CDKAL1: variants seen among roughly 807,000 people sequenced by gnomAD.
CDKAL1 encodes threonylcarbamoyladenosine tRNA methylthiotransferase.
CDKAL1 carries 32 observed loss-of-function variants against 68.2 expected under a neutral mutation model. The ratio of observed to expected loss-of-function variants is 0.47; its 90% CI spans 0.35 to 0.63. The LOEUF (loss-of-function observed/expected upper bound fraction) is 0.63. Among genes scored for constraint, CDKAL1 ranks in the 30% least tolerant of loss-of-function variants. CDKAL1 has a pLI of 0.00. For missense variants in CDKAL1, 606 were observed against 696.7 expected, an observed-to-expected ratio of 0.87 and a Z score of 1.47; for synonymous variants, 234 against 244.3, an observed-to-expected ratio of 0.96 and a Z score of 0.39.
At chr6:21,047,739 C>T (rs1472817606) in intron 11 of CDKAL1, among the ~76,000 whole-genome samples, 1 of 152,120 alleles carries the variant, frequency 6.6e-6, no homozygotes. Flanking sequence ...ATAACAGGGA[C>T]ATCATAGAGG....
chr6:20,610,069 G>C (rs965678758), intron 4 of CDKAL1, among the ~76,000 whole-genome samples: 1 of 152,040 alleles, frequency 6.6e-6, no homozygotes, highest in Admixed American at 6.6e-5. Context: ...TAAGGATAAT[G>C]GCCTCCATCT....
rs11330322 is a variant in CDKAL1 at position 20,974,978 on chromosome 6, CAAAAAAAAAAAA to C, written c.909+19405_909+19416del. ...TGGGTGACAGAGGCAGACCCTATCT[CAAAAAAAAAAAA>C]AAAAAAAAAAAGGAAAGAAACAAAT... is the stretch of plus-strand genomic sequence containing the variant. On this transcript the variant is annotated intron_variant, in intron 10 of 15. Coordinates refer to ENST00000274695, the MANE Select transcript of CDKAL1 (RefSeq NM_017774.3). Among the ~76,000 whole-genome samples, 7 of 62,914 alleles carry C rather than the reference CAAAAAAAAAAAA, an allele frequency of 1.1e-4. No individual in the cohort carries two copies. In the East Asian group the frequency reaches 2.8e-3, roughly 26 times the overall value. 41.3% of individuals were successfully genotyped at this position (62,914 alleles called of 152,430 possible).
At chr6:20,748,533 A>T in intron 6 of CDKAL1, among the ~76,000 whole-genome samples, 1 of 125,532 alleles carries the variant, frequency 8.0e-6, no homozygotes, top group Non-Finnish European at 1.6e-5. Context: ...AGCTTGGGAA[A>T]GAGAGCAAGA....
At chr6:21,056,283 C>G (rs1414802498) in intron 11 of CDKAL1, among the ~76,000 whole-genome samples, 6 of 152,070 alleles carry the variant, frequency 3.9e-5, no homozygotes, top group Non-Finnish European at 8.8e-5. Context: ...CTCTTTGAGG[C>G]AATTGTGAAT....
At chr6:20,957,426 T>C (rs1764832413) in intron 10 of CDKAL1, among the ~76,000 whole-genome samples, 1 of 152,144 alleles carries the variant, frequency 6.6e-6, no homozygotes, top group South Asian at 2.1e-4. Flanking sequence ...CGTCTAAAAA[T>C]CAACAAAAGA....
intron 13 of CDKAL1, among the ~76,000 whole-genome samples, chr6:21,183,069 T>A (rs1777852674): frequency 6.6e-6 from 1 of 152,166 alleles, no homozygotes; most frequent in South Asian, 2.1e-4. Flanking sequence ...TGATAAATAT[T>A]TATACAGCCT....
At chr6:21,021,424 A>T (rs1225387144) in intron 11 of CDKAL1, among the ~76,000 whole-genome samples, 1 of 152,238 alleles carries the variant, frequency 6.6e-6, no homozygotes, top group Admixed American at 6.5e-5. Flanking sequence ...TACCTAAAAA[A>T]TAAAGACAAG....
chr6:20,982,049 T>TTATG, intron 10 of CDKAL1, among the ~76,000 whole-genome samples: 1 of 48,818 alleles, frequency 2.0e-5, no homozygotes, highest in South Asian at 9.7e-4. Flanking sequence ...AAGGAAATTC[T>TTATG]TATTTATTTA....
chr6:20,897,294 C>G (rs1359548633), intron 9 of CDKAL1, among the ~76,000 whole-genome samples: 1 of 152,096 alleles, frequency 6.6e-6, no homozygotes, highest in Non-Finnish European at 1.5e-5. Context: ...AAATGGGACA[C>G]CACAAGAAAA....
At position 21,161,622 on chromosome 6, in the gene CDKAL1, T is replaced by A. The variant is rs992504094; in HGVS notation, c.1300-36399T>A. ...TGATCTACGTTTCAGATTTATAAAG[T>A]CTCTGAATATATATTTTTAACTATA... On this transcript the variant is annotated intron_variant, in intron 13 of 15. Coordinates refer to ENST00000274695, the MANE Select transcript of CDKAL1 (RefSeq NM_017774.3). Among the ~76,000 whole-genome samples the A allele has an allele frequency of 3.3e-5, 5 of 152,298 alleles. No homozygotes were observed. The East Asian group carries it at 9.6e-4, about 29-fold the overall frequency.
chr6:21,123,716 C>T (rs146279258), intron 13 of CDKAL1, among the ~76,000 whole-genome samples: 1 of 152,364 alleles, frequency 6.6e-6, no homozygotes, highest in Non-Finnish European at 1.5e-5. Flanking sequence ...ACTTTTATCA[C>T]AGACCTATTT....
intron 15 of CDKAL1, among the ~76,000 whole-genome samples, chr6:21,214,546 T>A (rs1389073315): frequency 6.6e-6 from 1 of 151,924 alleles, no homozygotes; most frequent in Non-Finnish European, 1.5e-5. Flanking sequence ...CTGCTTGGAA[T>A]GCCCATCTCT....
rs139449815 is a variant in CDKAL1, at chr6:21,053,409, T to C, written c.1056-11639T>C. On this transcript the variant is annotated intron_variant, in intron 11 of 15. Coordinates refer to ENST00000274695, the MANE Select transcript of CDKAL1 (RefSeq NM_017774.3). ...GACTGTTACCAGTTTGGGGCAGTTA[T>C]GAAGATTGCTACTGTGAAAATCCAA... Among the ~76,000 whole-genome samples, 5 of 152,340 alleles carry C rather than the reference T, an allele frequency of 3.3e-5. No individual in the cohort carries two copies. In the East Asian group the frequency reaches 7.7e-4, roughly 23 times the overall value.
At chr6:20,541,084 C>T (rs1226581305) in intron 2 of CDKAL1, among the ~76,000 whole-genome samples, 1 of 152,156 alleles carries the variant, frequency 6.6e-6, no homozygotes, top group African/African-American at 2.4e-5. Context: ...TAATAATGCA[C>T]ACTGTGAATG....
At chr6:21,121,523 C>T (rs951340345) in intron 13 of CDKAL1, among the ~76,000 whole-genome samples, 4 of 152,108 alleles carry the variant, frequency 2.6e-5, no homozygotes, top group Non-Finnish European at 4.4e-5. Flanking sequence ...ATCTTAGAAT[C>T]GATGAAATTT....
At chr6:20,591,821 GTTC>G (rs1397230380) in intron 4 of CDKAL1, among the ~76,000 whole-genome samples, 3 of 152,146 alleles carry the variant, frequency 2.0e-5, no homozygotes, top group Non-Finnish European at 4.4e-5. Flanking sequence ...CTCCAGCTTT[GTTC>G]TTCTGCTTAG....
chr6:20,817,895 T>C (rs1777111307), intron 8 of CDKAL1, among the ~76,000 whole-genome samples: 1 of 152,188 alleles, frequency 6.6e-6, no homozygotes, highest in Non-Finnish European at 1.5e-5. Context: ...TCTCAAGGAA[T>C]GCTTTATGAT....
chr6:20,576,127 C>G (rs1764898835), intron 4 of CDKAL1, among the ~76,000 whole-genome samples: 1 of 152,078 alleles, frequency 6.6e-6, no homozygotes, highest in Non-Finnish European at 1.5e-5. Flanking sequence ...TTCCAAAACT[C>G]TGATTTAAAG....
At chr6:21,099,807 C>T (rs867174209) in intron 12 of CDKAL1, among the ~76,000 whole-genome samples, 4 of 152,222 alleles carry the variant, frequency 2.6e-5, no homozygotes, top group Non-Finnish European at 2.9e-5. Flanking sequence ...TGACCTATGT[C>T]GTAAGACTGT....
Sources: gnomAD v4.1 joint callset for allele counts (sites outside exome capture counted in the v4.1 genomes callset) on GRCh38, gnomAD v4.1.1 for gene constraint, MANE v1.5 for transcripts, NCBI Gene and HGNC (gene_info 2026-07-23, HGNC 2026-07-21) for gene names.